Variants in CDH22 observed in about 807,000 individuals in gnomAD.
The protein encoded by CDH22 is cadherin-22.
In CDH22, 30 loss-of-function variants were observed where a neutral mutation model predicts 58.4. The ratio of observed to expected loss-of-function variants is 0.51; its 90% confidence interval spans 0.38 to 0.70. The LOEUF (loss-of-function observed/expected upper bound fraction) is 0.70. Among genes scored for constraint, CDH22 ranks in the 30% least tolerant of loss-of-function variants. The probability of loss-of-function intolerance (pLI) is 0.00; values close to 1 mark genes in which losing one functional copy is unlikely to be tolerated. For synonymous variants in CDH22, 513 were observed against 558.2 expected, an observed-to-expected ratio of 0.92 and a Z score of 1.14; for missense variants, 1,014 against 1,233.9, an observed-to-expected ratio of 0.82 and a Z score of 2.67.
chr20:46,193,591 T>C (rs560342481), intron 8 of CDH22, among the ~76,000 whole-genome samples: 4 of 152,234 alleles, frequency 2.6e-5, no homozygotes, highest in South Asian at 4.2e-4. Context: ...AGATGTCTGG[T>C]TCCTCATGGG....
chr20:46,223,649 CTCTTT>C (rs1159820106), intron 4 of CDH22, among the ~76,000 whole-genome samples: 17 of 148,518 alleles, frequency 1.1e-4, no homozygotes, highest in African/African-American at 4.0e-4. Context: ...TTCTTTCTTT[CTCTTT>C]CTTTTTCTTT....
chr20:46,294,645 T>C (rs1406519991), intron 1 of CDH22, among the ~76,000 whole-genome samples: 2 of 152,190 alleles, frequency 1.3e-5, no homozygotes, highest in Non-Finnish European at 2.9e-5. Context: ...GTTCCAACTG[T>C]GCCCCAGTTT....
chr20:46,269,660 G>A (rs575110984), intron 1 of CDH22, among the ~76,000 whole-genome samples: 5 of 152,328 alleles, frequency 3.3e-5, no homozygotes, highest in African/African-American at 7.2e-5. Flanking sequence ...CACGTGGCCC[G>A]TTGTGGGTGG....
At chr20:46,279,609 GT>G (rs2086538851) in intron 1 of CDH22, among the ~76,000 whole-genome samples, 1 of 152,116 alleles carries the variant, frequency 6.6e-6, no homozygotes, top group Admixed American at 6.5e-5. Context: ...TACATATAAT[GT>G]ATGCTAAAGT....
chr20:46,210,312 G>C lies in CDH22; in HGVS notation c.1281C>G (p.Pro427=), dbSNP rs970912360. The C allele has an allele frequency of 2.1e-6, 3 of 1,439,734 alleles. No homozygotes were observed. The highest frequency in any genetic ancestry group is 2.7e-6 in the Non-Finnish European group (3 of 1,102,060). The allele number at this position is 1,439,734 out of a possible 1,614,324, so 89.2% of individuals were successfully genotyped here. The part of the protein sequence containing the change: ...TARDPDAANR[P]VRYAIDRESD... ...GCCCCGGGCGGGGGTCTCACCGGACGGGCCGGTTGGCGGCGTCGGGGTCCC... is the reference window on the plus strand; with the variant it reads ...GCCCCGGGCGGGGGTCTCACCGGACCGGCCGGTTGGCGGCGTCGGGGTCCC... The change falls in exon 7 of 12, where the codon CCC becomes CCG. Residue 427 remains proline (P), a synonymous_variant. Coordinates refer to ENST00000537909, the MANE Select transcript of CDH22 (RefSeq NM_021248.3). This position sits in a 1 kb window ranked among gnomAD's most constrained non-coding sequence, Gnocchi z 4.5.
chr20:46,198,446 T>A (rs1163876073), intron 8 of CDH22, among the ~76,000 whole-genome samples: 2 of 152,078 alleles, frequency 1.3e-5, no homozygotes, highest in East Asian at 1.9e-4. Context: ...TCAGCCTGTA[T>A]CCCAAAGCCA....
At position 46,220,237 on chromosome 20, in the gene CDH22, C is replaced by T. The variant is rs371839556; in HGVS notation, c.671-3244G>A. Among the ~76,000 whole-genome samples, 23 of 150,826 alleles carry T rather than the reference C, an allele frequency of 1.5e-4. No homozygotes were observed. In the South Asian group the frequency reaches 4.4e-3, roughly 29 times the overall value. ...AAACCAGAGAGAAAGCCAGAGATAC[C>T]CAGAAAGAGACAGTAAGAGAGAAAC... On this transcript the variant is annotated intron_variant, in intron 4 of 11. Transcript: ENST00000537909.
At chr20:46,266,083 G>A (rs2086458241) in intron 1 of CDH22, among the ~76,000 whole-genome samples, 1 of 152,178 alleles carries the variant, frequency 6.6e-6, no homozygotes, top group African/African-American at 2.4e-5. Context: ...TCCAGCCAGA[G>A]GGAGGCTCTC....
At chr20:46,189,978 G>A (rs558803574) in intron 8 of CDH22, among the ~76,000 whole-genome samples, 71 of 151,824 alleles carry the variant, frequency 4.7e-4, no homozygotes, top group Admixed American at 1.3e-3. Flanking sequence ...AGCTCCAGAG[G>A]ATCAGCCTGT....
At chr20:46,285,663 T>A (rs1249989934) in intron 1 of CDH22, among the ~76,000 whole-genome samples, 1 of 152,220 alleles carries the variant, frequency 6.6e-6, no homozygotes, top group Non-Finnish European at 1.5e-5. Context: ...GGGGATAGAA[T>A]CCAGGTCTCC....
intron 6 of CDH22, among the ~76,000 whole-genome samples, chr20:46,211,932 A>G (rs1465926176): frequency 1.3e-5 from 2 of 152,074 alleles, no homozygotes; most frequent in East Asian, 1.9e-4. Context: ...CGATTACAGC[A>G]TCTCAGAGGG....
intron 8 of CDH22, among the ~76,000 whole-genome samples, chr20:46,187,232 A>G (rs2085833179): frequency 6.6e-6 from 1 of 151,840 alleles, no homozygotes; most frequent in Non-Finnish European, 1.5e-5. Context: ...CAACACCATC[A>G]CCACTGTCAG....
chr20:46,280,461 C>T (rs992320267), intron 1 of CDH22, among the ~76,000 whole-genome samples: 34 of 152,118 alleles, frequency 2.2e-4, no homozygotes, highest in Non-Finnish European at 3.7e-4. Context: ...GCCTGCTGGC[C>T]GTTGTTGTCA....
chr20:46,275,779 A>T (rs1472421733), intron 1 of CDH22, among the ~76,000 whole-genome samples: 1 of 146,210 alleles, frequency 6.8e-6, no homozygotes, highest in Non-Finnish European at 1.5e-5. Flanking sequence ...TTTTAGTGGT[A>T]GAGACCATAG....
chr20:46,196,071 C>T (rs935007889), intron 8 of CDH22, among the ~76,000 whole-genome samples: 2 of 152,122 alleles, frequency 1.3e-5, no homozygotes, highest in African/African-American at 2.4e-5. Context: ...TGGGCAGACC[C>T]GATGGCCATG....
At chr20:46,273,954 A>G (rs997394682) in intron 1 of CDH22, among the ~76,000 whole-genome samples, 1 of 152,226 alleles carries the variant, frequency 6.6e-6, no homozygotes, top group Non-Finnish European at 1.5e-5. Context: ...AGCCACTGGG[A>G]GGAGGGAAGA....
In CDH22 at chr20:46,241,288, G is replaced by A; in HGVS notation, c.256-31C>T. On this transcript the variant is annotated intron_variant, in intron 2 of 11. Transcript: ENST00000537909. The surrounding 1 kb of genome is among the most constrained non-coding windows in gnomAD (Gnocchi z 5.2). ...TAGGCAGAGAAGAAGGCAAGGTGGA[G>A]GCTGAGAAGGAAGCTCCTCTTGGCC... 1.9e-6 allele frequency: 3 copies of A among 1,548,734 alleles called. No homozygotes were observed. The highest frequency in any genetic ancestry group is 1.7e-4 in the Middle Eastern group (1 of 5,770).
chr20:46,282,577 C>A (rs1336878278), intron 1 of CDH22, among the ~76,000 whole-genome samples: 1 of 152,140 alleles, frequency 6.6e-6, no homozygotes, highest in Non-Finnish European at 1.5e-5. Flanking sequence ...AATAAAAACA[C>A]CAAATGCAAT....
At chr20:46,187,098 T>C (rs1411269448) in intron 8 of CDH22, 151 bp from the exon 9 acceptor site, 4 of 714,468 alleles carry the variant, frequency 5.6e-6, no homozygotes, top group Non-Finnish European at 6.7e-6. Context: ...ACTGGGAACA[T>C]TTGGGCATAA....
Sources: allele counts gnomAD v4.1 joint callset (sites outside exome capture counted in the v4.1 genomes callset), GRCh38; gene constraint gnomAD v4.1.1; non-coding constraint Gnocchi (gnomAD v3.1); transcripts MANE v1.5; gene names NCBI Gene and HGNC (gene_info 2026-07-23, HGNC 2026-07-21).